OR56A3: variants seen among roughly 807,000 people sequenced by gnomAD.
OR56A3 encodes the protein olfactory receptor 56A3.
OR56A3 carries 23 observed loss-of-function variants against 17.5 expected under a neutral mutation model. That is an observed-to-expected ratio of 1.32 (90% CI 0.95 to 1.87). OR56A3 has a LOEUF of 1.87. Among genes scored for constraint, OR56A3 ranks in the 40% most tolerant of loss-of-function variants. The pLI, the probability that OR56A3 is intolerant of heterozygous loss-of-function variation, is 0.00. For missense variants in OR56A3, 366 were observed against 380.1 expected (o/e 0.96, Z 0.31); for synonymous variants, 175 against 150.6 (o/e 1.16, Z -1.19).
At chr11:6,003,318 C>T in the OR56A3 span, 1 of 499,542 alleles carries the variant, frequency 2.0e-6, no homozygotes. Flanking sequence ...TCTTCTACCA[C>T]CACGCAGTTT....
At chr11:5,960,929 C>A in the OR56A3 span, among the ~76,000 whole-genome samples, 1 of 150,094 alleles carries the variant, frequency 6.7e-6, no homozygotes, top group African/African-American at 2.5e-5. Context: ...TGTCTGGGAA[C>A]TGAGGAGTGT....
At chr11:6,002,175 G>A in the OR56A3 span, 40 of 1,614,078 alleles carry the variant, frequency 2.5e-5, no homozygotes, top group Non-Finnish European at 3.3e-5. Context: ...GGGGACATCT[G>A]GAGGAATTCT....
At chr11:5,973,744 G>C in the OR56A3 span, among the ~76,000 whole-genome samples, 1 of 152,118 alleles carries the variant, frequency 6.6e-6, no homozygotes, top group Non-Finnish European at 1.5e-5. Flanking sequence ...GGTTGAGCAG[G>C]CTGATCTCTA....
chr11:5,942,546 T>C (rs1480539495), intron 1 of OR56A3, among the ~76,000 whole-genome samples, 172 bp downstream of exon 1: 1 of 152,302 alleles, frequency 6.6e-6, no homozygotes, highest in South Asian at 2.1e-4. Flanking sequence ...AGTTTTCAAC[T>C]CTGAATATGG....
the OR56A3 span, among the ~76,000 whole-genome samples, chr11:6,012,887 TGG>T: frequency 6.6e-6 from 1 of 152,248 alleles, no homozygotes; most frequent in African/African-American, 2.4e-5. Context: ...GCACACCAGC[TGG>T]GCTGTGATAG....
chr11:6,001,506 G>A, the OR56A3 span: 1 of 152,522 alleles, frequency 6.6e-6, no homozygotes, highest in South Asian at 2.1e-4. Context: ...CCAGTGAATA[G>A]CACATCTGCC....
At chr11:5,963,817 A>AT in the OR56A3 span, among the ~76,000 whole-genome samples, 2 of 152,246 alleles carry the variant, frequency 1.3e-5, no homozygotes, top group South Asian at 4.1e-4. Flanking sequence ...TCACTCTTGA[A>AT]TGCCAATAAC....
the OR56A3 span, among the ~76,000 whole-genome samples, chr11:5,970,494 T>C: frequency 6.6e-6 from 1 of 152,166 alleles, no homozygotes; most frequent in Non-Finnish European, 1.5e-5. Flanking sequence ...AGGACTGGAA[T>C]GAATGGACAC....
the OR56A3 span, among the ~76,000 whole-genome samples, chr11:6,008,251 G>T: frequency 6.6e-6 from 1 of 152,116 alleles, no homozygotes; most frequent in African/African-American, 2.4e-5. Flanking sequence ...CAAAAATGTA[G>T]ATGGAATATA....
downstream of OR56A3, among the ~76,000 whole-genome samples, chr11:5,955,041 A>G (rs948470098): frequency 1.3e-5 from 2 of 152,190 alleles, no homozygotes; most frequent in African/African-American, 4.8e-5. Context: ...AAGAACAATC[A>G]CTGGGGAAAG....
the OR56A3 span, among the ~76,000 whole-genome samples, chr11:5,984,114 T>C: frequency 6.6e-6 from 1 of 152,224 alleles, no homozygotes; most frequent in African/African-American, 2.4e-5. Context: ...TGCAAAGATT[T>C]AGAATTAAGA....
At chr11:5,954,018 G>A (rs1035346305), downstream of OR56A3, among the ~76,000 whole-genome samples, 2 of 152,104 alleles carry the variant, frequency 1.3e-5, no homozygotes, top group Non-Finnish European at 2.9e-5. Context: ...AAAATATAGT[G>A]AGAAAAGGGG....
the OR56A3 span, chr11:6,002,174 T>C: frequency 2.5e-6 from 4 of 1,614,076 alleles, no homozygotes; most frequent in African/African-American, 2.7e-5. Flanking sequence ...TGGGGACATC[T>C]GGAGGAATTC....
chr11:5,990,705 C>G, the OR56A3 span, among the ~76,000 whole-genome samples: 4 of 152,120 alleles, frequency 2.6e-5, no homozygotes, highest in South Asian at 4.2e-4. Flanking sequence ...TAATAAAAGA[C>G]GAAGATACAA....
chr11:5,993,913 C>A, the OR56A3 span: 1 of 497,178 alleles, frequency 2.0e-6, no homozygotes, highest in South Asian at 1.6e-5. Flanking sequence ...TCTCAGACAC[C>A]ACTTTGCTGT....
the OR56A3 span, among the ~76,000 whole-genome samples, chr11:5,964,617 T>A: frequency 6.6e-6 from 1 of 152,192 alleles, no homozygotes. Context: ...GCCATTCAGA[T>A]CTGCATGTAG....
the OR56A3 span, chr11:5,967,935 A>G: frequency 6.3e-7 from 1 of 1,595,590 alleles, no homozygotes; most frequent in African/African-American, 1.3e-5. Context: ...GAGTTTAGAC[A>G]CAGACACGTT....
In OR56A3 at chr11:5,942,345, GAAAT is replaced by G. The variant is rs1023121205; in HGVS notation, c.-335_-332del. The G allele has an allele frequency of 5.3e-5, 8 of 152,300 alleles. No individual in the cohort carries two copies. In the East Asian group the frequency reaches 7.7e-4, roughly 15 times the overall value. 9.4% of individuals were successfully genotyped at this position (152,300 alleles called of 1,614,324 possible). ...AATACTGCTGAAGTAGTCTGAGAAG[GAAAT>G]AAATAAAGACTGCACCCTGTCTCAG... On this transcript the variant is annotated 5_prime_UTR_variant, in exon 1 of 3. Transcript: ENST00000641160.
At chr11:6,002,896 G>T in the OR56A3 span, 1 of 1,614,110 alleles carries the variant, frequency 6.2e-7, no homozygotes, top group Non-Finnish European at 8.5e-7. Flanking sequence ...AGGCTGAGGG[G>T]CAGAGACAAC....
Sources: allele counts gnomAD v4.1 joint callset (sites outside exome capture counted in the v4.1 genomes callset), GRCh38; gene constraint gnomAD v4.1.1; transcripts MANE v1.5; gene names NCBI Gene and HGNC (gene_info 2026-07-23, HGNC 2026-07-21).